MMUT: variants seen among roughly 807,000 people sequenced by gnomAD.
MMUT encodes the protein methylmalonyl-CoA mutase, also known as methylmalonyl-CoA mutase, mitochondrial.
Under a neutral mutation model 79.9 loss-of-function variants are expected in MMUT, and 79 were observed. The observed-to-expected ratio is 0.99, with a 90% CI of 0.82 to 1.19. The LOEUF (loss-of-function observed/expected upper bound fraction) is 1.19. MMUT is among the 50% of genes most tolerant of loss of function. The pLI is 0.00. For synonymous variants in MMUT, 273 were observed against 295.7 expected, an observed-to-expected ratio of 0.92 and a Z score of 0.79; for missense variants, 860 against 917.2, an observed-to-expected ratio of 0.94 and a Z score of 0.81.
intron 2 of MMUT, among the ~76,000 whole-genome samples, 177 bp from the exon 3 acceptor site, chr6:49,458,235 G>C (rs185317000): frequency 2.8e-4 from 43 of 152,216 alleles, no homozygotes; most frequent in African/African-American, 9.6e-4. Context: ...CACTTCTTAA[G>C]AGAGTCAGTT....
chr6:49,452,644 T>C (rs560583823), intron 5 of MMUT, among the ~76,000 whole-genome samples: 1 of 152,332 alleles, frequency 6.6e-6, no homozygotes, highest in East Asian at 1.9e-4. Flanking sequence ...TATTTCTCCA[T>C]TTATAAGAAC....
intron 12 of MMUT, among the ~76,000 whole-genome samples, 192 bp downstream of exon 12, chr6:49,435,264 T>C (rs1767091404): frequency 1.3e-5 from 2 of 152,224 alleles, no homozygotes; most frequent in Non-Finnish European, 2.9e-5. Flanking sequence ...AGTTAAATTA[T>C]ACATAATAAA....
At chr6:49,461,733 C>T (rs1767849468) in intron 1 of MMUT, among the ~76,000 whole-genome samples, 1 of 152,184 alleles carries the variant, frequency 6.6e-6, no homozygotes, top group Non-Finnish European at 1.5e-5. Context: ...CGTGCCACTG[C>T]ACTCCAACCT....
intron 2 of MMUT, 119 bp downstream of exon 2, chr6:49,458,963 G>T: frequency 9.6e-7 from 1 of 1,038,708 alleles, no homozygotes; most frequent in Non-Finnish European, 1.4e-6. Context: ...TCAGAGTATA[G>T]TCTTTAACTA....
chr6:49,458,993 T>C, intron 2 of MMUT, 89 bp downstream of exon 2: 1 of 1,296,158 alleles, frequency 7.7e-7, no homozygotes, highest in Non-Finnish European at 1.1e-6. Flanking sequence ...AGAGTGAATA[T>C]CATCTTTACA....
At chr6:49,437,123 T>TG (rs1561951072) in intron 11 of MMUT, among the ~76,000 whole-genome samples, 4 of 152,152 alleles carry the variant, frequency 2.6e-5, no homozygotes, top group Admixed American at 1.3e-4. Flanking sequence ...CCTCAAATGT[T>TG]GGGGGGTCTT....
rs121918251 is a variant in MMUT at position 49,459,189 on chromosome 6, C to T, written c.278G>A (p.Arg93His). The change falls in exon 2 of 13, where the codon CGT becomes CAT. Residue 93 changes from arginine (R) to histidine (H), a missense_variant. Arg to His is a conservative substitution (Grantham distance 29, BLOSUM62 0). Coordinates refer to ENST00000274813, the MANE Select transcript of MMUT (RefSeq NM_000255.4). Reference protein sequence around the residue: ...EELPGVKPFTRGPYPTMYTFR... With the variant: ...EELPGVKPFTHGPYPTMYTFR... ...GGTATACATGGTAGGATATGGTCCA[C>T]GTGTGAATGGCTTCACTCCTGGAAG... is the stretch of plus-strand genomic sequence containing the variant. 3.3e-5 allele frequency: 54 copies of T among 1,614,118 alleles called. No homozygotes were observed. Among genetic ancestry groups the T allele is most frequent in the South Asian group, 2.2e-5 (2 of 91,082 alleles).
chr6:49,431,809 A>T lies in MMUT; in HGVS notation c.2172T>A (p.Pro724=). 6.2e-7 allele frequency: 1 copy of T among 1,613,910 alleles called. No homozygotes were observed. Among genetic ancestry groups the T allele is most frequent in the Non-Finnish European group, 8.5e-7 (1 of 1,179,772 alleles). The part of the protein sequence containing the change: ...FEVGVSNVFG[P]GTRIPKAAVQ... ...CGGCAGCCTTTGGAATTCGAGTCCC[A>T]GGACCAAATACATTGGAAACACCAA... is the stretch of plus-strand genomic sequence containing the variant. Residue 724 remains proline (P), a synonymous_variant, in exon 13 of 13, where the codon CCT becomes CCA. Coordinates refer to ENST00000274813, the MANE Select transcript of MMUT (RefSeq NM_000255.4).
intron 1 of MMUT, among the ~76,000 whole-genome samples, chr6:49,460,888 C>T (rs1561960730): frequency 6.6e-6 from 1 of 152,142 alleles, no homozygotes; most frequent in Non-Finnish European, 1.5e-5. Context: ...ATTTTAACTA[C>T]TTTGGAAAGT....
At chr6:49,444,070 C>T (rs1767346553) in intron 9 of MMUT, among the ~76,000 whole-genome samples, 1 of 151,928 alleles carries the variant, frequency 6.6e-6, no homozygotes, top group Non-Finnish European at 1.5e-5. Context: ...AAATCAAATG[C>T]AGTAGACCAA....
chr6:49,458,787 T>A (rs1767758984), intron 2 of MMUT, among the ~76,000 whole-genome samples: 1 of 152,236 alleles, frequency 6.6e-6, no homozygotes, highest in South Asian at 2.1e-4. Flanking sequence ...CAATGTTAAT[T>A]GAACATTTTT....
chr6:49,457,584 TA>T, intron 3 of MMUT, 106 bp downstream of exon 3: 1 of 976,232 alleles, frequency 1.0e-6, no homozygotes, highest in Non-Finnish European at 1.5e-6. Context: ...CAAAACATTC[TA>T]AATTTATATT....
chr6:49,447,114 G>A (rs1581826672), intron 8 of MMUT, among the ~76,000 whole-genome samples: 2 of 151,798 alleles, frequency 1.3e-5, no homozygotes, highest in African/African-American at 4.8e-5. Context: ...AAGGGAATAC[G>A]ATACTCTAGT....
chr6:49,454,680 C>T (rs948277572), intron 4 of MMUT, among the ~76,000 whole-genome samples: 1 of 152,206 alleles, frequency 6.6e-6, no homozygotes, highest in African/African-American at 2.4e-5. Context: ...TTAAAACTTA[C>T]TGAAAATTCC....
chr6:49,435,647 A>T, intron 11 of MMUT, 24 bp from the exon 12 acceptor site: 1 of 1,606,920 alleles, frequency 6.2e-7, no homozygotes, highest in Non-Finnish European at 8.5e-7. Context: ...AAGTAAAGAT[A>T]AATCATTGTT....
chr6:49,460,040 T>C (rs1224687398), intron 1 of MMUT, among the ~76,000 whole-genome samples: 1 of 152,226 alleles, frequency 6.6e-6, no homozygotes, highest in Non-Finnish European at 1.5e-5. Context: ...GTCCTCTTTA[T>C]GCATTTTGTG....
chr6:49,458,434 C>T (rs1446991893), intron 2 of MMUT, among the ~76,000 whole-genome samples: 1 of 152,120 alleles, frequency 6.6e-6, no homozygotes, highest in Non-Finnish European at 1.5e-5. Context: ...TGTATGCTTG[C>T]TTACTATTTT....
chr6:49,435,658 T>G, intron 11 of MMUT, 35 bp from the exon 12 acceptor site: 1 of 1,592,898 alleles, frequency 6.3e-7, no homozygotes, highest in African/African-American at 1.3e-5. Flanking sequence ...AATCATTGTT[T>G]ATTACTAGAT....
rs760186185 is a variant in MMUT at position 49,431,739 on chromosome 6, G to A, written c.2242C>T (p.Gln748Ter). Reference sequence around the variant, plus strand: ...ACAAAAAGAGGATATTATACAGATTGCTGCTTCTTTTCCAAACACTTCTCA... The same window carrying A: ...ACAAAAAGAGGATATTATACAGATTACTGCTTCTTTTCCAAACACTTCTCA... ...DIEKCLEKKQQSV is the reference protein window; with the variant it reads ...DIEKCLEKKQ Residue 748 changes from glutamine to a stop codon, truncating the protein, a stop_gained, in exon 13 of 13, where the codon CAA becomes TAA. Transcript: ENST00000274813. LOFTEE classifies it high-confidence loss of function. 1 of 1,613,666 alleles carries A rather than the reference G, an allele frequency of 6.2e-7. No homozygotes were observed. Among genetic ancestry groups the A allele is most frequent in the African/African-American group, 1.3e-5 (1 of 75,016 alleles).
Sources: gnomAD v4.1 joint callset for allele counts (sites outside exome capture counted in the v4.1 genomes callset) on GRCh38, gnomAD v4.1.1 for gene constraint, MANE v1.5 for transcripts, NCBI Gene and HGNC (gene_info 2026-07-23, HGNC 2026-07-21) for gene names.